The following RIC8B variants were observed in gnomAD, a reference collection of about 807,000 sequenced individuals.
The protein encoded by RIC8B is chaperone Ric-8B.
Under a neutral mutation model 57.5 loss-of-function variants are expected in RIC8B, and 16 were observed. That is an observed-to-expected ratio of 0.28 (90% confidence interval 0.19 to 0.42). The LOEUF (loss-of-function observed/expected upper bound fraction) is 0.42. Among genes scored for constraint, RIC8B ranks in the 10% least tolerant of loss-of-function variants. The pLI, the probability that RIC8B is intolerant of heterozygous loss-of-function variation, is 1.00. For missense variants in RIC8B, 481 were observed against 677.0 expected (o/e 0.71, Z 3.21); for synonymous variants, 216 against 250.8 (o/e 0.86, Z 1.31).
At chr12:106,871,486 A>AAAC (rs1386877153) in intron 9 of RIC8B, 4 of 142,974 alleles carry the variant, frequency 2.8e-5, no homozygotes, top group Non-Finnish European at 6.1e-5. Flanking sequence ...AAAAAAAAAA[A>AAAC]AAAAAAAAAA....
chr12:106,780,897 A>C (rs924930224), intron 1 of RIC8B, among the ~76,000 whole-genome samples: 2 of 152,174 alleles, frequency 1.3e-5, no homozygotes, highest in African/African-American at 4.8e-5. Flanking sequence ...CATGCTTATA[A>C]AAAATAAGGA....
chr12:106,799,741 T>C (rs1335675716), intron 2 of RIC8B, among the ~76,000 whole-genome samples: 1 of 152,160 alleles, frequency 6.6e-6, no homozygotes, highest in African/African-American at 2.4e-5. Flanking sequence ...ACATATTTTG[T>C]TTCCGTACTT....
chr12:106,848,480 G>A (rs1949307670), intron 6 of RIC8B, among the ~76,000 whole-genome samples: 1 of 152,134 alleles, frequency 6.6e-6, no homozygotes, highest in Admixed American at 6.5e-5. Context: ...GAATTAGAGA[G>A]TGACCAGCAT....
At chr12:106,793,925 C>T (rs990250042) in intron 2 of RIC8B, among the ~76,000 whole-genome samples, 15 of 5,192 alleles carry the variant, frequency 2.9e-3, no homozygotes, top group Non-Finnish European at 4.2e-3. Context: ...TTTCCATGGG[C>T]GGGGTGGGGG....
chr12:106,777,871 G>A (rs776121161), intron 1 of RIC8B, among the ~76,000 whole-genome samples: 5 of 152,186 alleles, frequency 3.3e-5, no homozygotes, highest in Admixed American at 6.5e-5. Flanking sequence ...ATAATGACCA[G>A]GGTACCTAAG....
intron 2 of RIC8B, among the ~76,000 whole-genome samples, chr12:106,812,645 C>T (rs1433787527): frequency 2.0e-5 from 3 of 151,358 alleles, no homozygotes; most frequent in Non-Finnish European, 4.4e-5. Flanking sequence ...GGTGATCTGA[C>T]TCCACCCCCA....
At chr12:106,834,949 A>G (rs185477995) in intron 4 of RIC8B, among the ~76,000 whole-genome samples, 2,255 of 134,434 alleles carry the variant, frequency 0.017, 24 homozygotes, top group South Asian at 0.061. Context: ...GCGCCAGTGC[A>G]CTCCAGCCTG....
intron 5 of RIC8B, among the ~76,000 whole-genome samples, chr12:106,843,493 C>A (rs1042761620): frequency 5.3e-5 from 8 of 152,040 alleles, no homozygotes; most frequent in Admixed American, 5.2e-4. Context: ...ATGTCCCCAC[C>A]TCGTGGATCA....
intron 7 of RIC8B, among the ~76,000 whole-genome samples, chr12:106,854,892 C>T (rs1176871981): frequency 1.3e-5 from 2 of 152,058 alleles, no homozygotes; most frequent in Non-Finnish European, 2.9e-5. Context: ...TGTGCCAGGC[C>T]CAACGGTATC....
chr12:106,812,349 T>C (rs548002840), intron 2 of RIC8B, among the ~76,000 whole-genome samples: 12 of 152,332 alleles, frequency 7.9e-5, no homozygotes, highest in African/African-American at 2.9e-4. Flanking sequence ...GGTTTTTGTA[T>C]AGCCCTGGCT....
At chr12:106,814,167 G>A (rs180870404) in intron 2 of RIC8B, among the ~76,000 whole-genome samples, 1 of 151,906 alleles carries the variant, frequency 6.6e-6, no homozygotes, top group South Asian at 2.1e-4. Context: ...TACCAGGAGG[G>A]GTCACCTTTT....
intron 8 of RIC8B, 89 bp downstream of exon 8, chr12:106,860,501 T>C: frequency 9.4e-7 from 1 of 1,065,030 alleles, no homozygotes; most frequent in Non-Finnish European, 1.3e-6. Flanking sequence ...GTGTTTCTTT[T>C]CTCTTGTGGA....
intron 4 of RIC8B, among the ~76,000 whole-genome samples, chr12:106,840,041 G>A (rs2046800550): frequency 6.6e-6 from 1 of 151,934 alleles, no homozygotes; most frequent in Non-Finnish European, 1.5e-5. Context: ...GAATAAAGAG[G>A]GCAAAAGGAA....
intron 3 of RIC8B, among the ~76,000 whole-genome samples, chr12:106,818,534 C>G (rs1401966382): frequency 6.6e-6 from 1 of 152,144 alleles, no homozygotes; most frequent in African/African-American, 2.4e-5. Context: ...GATCATAGCT[C>G]ACTGCAGCTT....
intron 2 of RIC8B, among the ~76,000 whole-genome samples, chr12:106,805,970 A>T (rs1322054248): frequency 2.0e-5 from 3 of 151,694 alleles, no homozygotes; most frequent in African/African-American, 7.3e-5. Flanking sequence ...TCTTTTTGAG[A>T]TGGAGTTTTG....
At chr12:106,854,609 G>A (rs1268802689) in intron 7 of RIC8B, among the ~76,000 whole-genome samples, 2 of 152,114 alleles carry the variant, frequency 1.3e-5, no homozygotes, top group African/African-American at 2.4e-5. Context: ...TGGCCAACAT[G>A]GTGAAACCCC....
At chr12:106,822,077 C>CAAAAAAAAAAAAAAAAAAAA (rs67378158) in intron 3 of RIC8B, among the ~76,000 whole-genome samples, 10 of 38,038 alleles carry the variant, frequency 2.6e-4, no homozygotes, top group African/African-American at 5.9e-4. Flanking sequence ...GACTCCATCT[C>CAAAAAAAAAAAAAAAAAAAA]AAAAAAAAAA....
chr12:106,868,766 GACACACACACACACACACACACACACAC>G (rs56293147), intron 8 of RIC8B, among the ~76,000 whole-genome samples: 8 of 123,022 alleles, frequency 6.5e-5, no homozygotes, highest in Admixed American at 5.1e-4. Flanking sequence ...AGGCACTCTA[GACACACACACACACACACACACACACAC>G]ACACACACAC....
chr12:106,822,654 A>G (rs1381375759), intron 3 of RIC8B: 1 of 152,258 alleles, frequency 6.6e-6, no homozygotes, highest in African/African-American at 2.4e-5. Flanking sequence ...ACAATATTAC[A>G]TACAACGCCA....
Sources: allele counts gnomAD v4.1 joint callset (sites outside exome capture counted in the v4.1 genomes callset), GRCh38; gene constraint gnomAD v4.1.1; transcripts MANE v1.5; gene names NCBI Gene and HGNC (gene_info 2026-07-23, HGNC 2026-07-21).